The following MCTP1 variants were observed in gnomAD, a reference collection of about 807,000 sequenced individuals.
The protein encoded by MCTP1 is multiple C2 and transmembrane domain containing 1, also known as multiple C2 and transmembrane domain-containing protein 1.
A neutral mutation model predicts 120.6 loss-of-function variants in MCTP1; 69 were observed. The observed-to-expected ratio is 0.57, with a 90% CI of 0.47 to 0.70. The LOEUF (loss-of-function observed/expected upper bound fraction) is 0.70. Among genes scored for constraint, MCTP1 ranks in the 30% least tolerant of loss-of-function variants. The probability of loss-of-function intolerance (pLI) is 0.00; values close to 1 mark genes in which losing one functional copy is unlikely to be tolerated. For synonymous variants in MCTP1, 529 were observed against 493.1 expected (o/e 1.07, Z -0.96); for missense variants, 1,203 against 1,248.8 (o/e 0.96, Z 0.55).
chr5:95,236,678 C>T (rs1170916732), intron 1 of MCTP1, among the ~76,000 whole-genome samples: 3 of 152,156 alleles, frequency 2.0e-5, no homozygotes, highest in Non-Finnish European at 4.4e-5. Context: ...GAACATCCCA[C>T]AAATAGTAGA....
intron 2 of MCTP1, among the ~76,000 whole-genome samples, chr5:94,984,524 C>G (rs2033709): frequency 2.0e-5 from 3 of 151,946 alleles, no homozygotes; most frequent in African/African-American, 7.3e-5. Flanking sequence ...GAGTCTTGAA[C>G]GCCAGACTGA....
intron 14 of MCTP1, 76 bp downstream of exon 14, chr5:94,871,239 A>T (rs538268837): frequency 1.1e-6 from 1 of 937,530 alleles, no homozygotes; most frequent in Admixed American, 2.0e-5. Context: ...CACAGAGCTG[A>T]GAGTTTTCTT....
chr5:95,015,514 A>C (rs1359179470), intron 2 of MCTP1, among the ~76,000 whole-genome samples: 2 of 152,000 alleles, frequency 1.3e-5, no homozygotes, highest in Non-Finnish European at 2.9e-5. Flanking sequence ...TACATTCTGT[A>C]TGTTACCGAT....
intron 1 of MCTP1, among the ~76,000 whole-genome samples, chr5:95,017,970 A>C (rs1837444134): frequency 1.3e-5 from 2 of 152,102 alleles, no homozygotes; most frequent in African/African-American, 4.8e-5. Context: ...CTTCAGCCCC[A>C]ACATAAAATT....
At chr5:94,889,367 T>A (rs1190486160) in intron 11 of MCTP1, among the ~76,000 whole-genome samples, 2 of 152,010 alleles carry the variant, frequency 1.3e-5, no homozygotes, top group Non-Finnish European at 2.9e-5. Flanking sequence ...GGTGGGTGGA[T>A]CACAAGGTCA....
rs143415105 is a variant in MCTP1 at position 95,176,548 on chromosome 5, T to C, written c.720+107308A>G. On this transcript the variant is annotated intron_variant, in intron 1 of 22. Transcript: ENST00000515393. ...TTAAACAACAACAAAAACAGCAGTATTGATATAAAGTCTTTTTCTCCAATA... is the reference window on the plus strand; with the variant it reads ...TTAAACAACAACAAAAACAGCAGTACTGATATAAAGTCTTTTTCTCCAATA... Among the ~76,000 whole-genome samples the C allele has an allele frequency of 3.7e-4, 57 of 152,196 alleles. 1 individual carries two copies. In the East Asian group the frequency reaches 8.7e-3, roughly 23 times the overall value.
chr5:95,051,750 C>T (rs1479753546), intron 1 of MCTP1, among the ~76,000 whole-genome samples: 1 of 152,066 alleles, frequency 6.6e-6, no homozygotes, highest in African/African-American at 2.4e-5. Flanking sequence ...ATAGATGGAG[C>T]TGGAGGCCAT....
At chr5:94,762,243 C>A (rs1771532968) in intron 19 of MCTP1, among the ~76,000 whole-genome samples, 1 of 152,156 alleles carries the variant, frequency 6.6e-6, no homozygotes, top group African/African-American at 2.4e-5. Context: ...TGACTTATGC[C>A]TCAGAGGTTT....
At chr5:94,853,029 G>A (rs293032) in intron 17 of MCTP1, among the ~76,000 whole-genome samples, 29,584 of 151,932 alleles carry the variant, frequency 0.19, 3,732 homozygotes, top group Non-Finnish European at 0.29. Context: ...GAAAGCTGCA[G>A]TAATGTAAAA....
chr5:94,780,507 A>C (rs1005538239), intron 18 of MCTP1, among the ~76,000 whole-genome samples: 2 of 152,168 alleles, frequency 1.3e-5, no homozygotes, highest in African/African-American at 4.8e-5. Flanking sequence ...GACTGTCTTA[A>C]TTTAATGTCA....
intron 1 of MCTP1, chr5:95,068,826 G>T (rs573928636): frequency 3.9e-6 from 5 of 1,270,264 alleles, no homozygotes; most frequent in Admixed American, 2.5e-5. Context: ...TTACCATACA[G>T]GGTCTGCCAA....
chr5:94,796,818 A>G (rs1210083429), intron 18 of MCTP1, among the ~76,000 whole-genome samples: 1 of 151,904 alleles, frequency 6.6e-6, no homozygotes. Flanking sequence ...GTGAATAAGA[A>G]GCTGAATGAA....
intron 2 of MCTP1, among the ~76,000 whole-genome samples, chr5:94,958,488 T>C (rs771705898): frequency 1.6e-4 from 24 of 152,186 alleles, no homozygotes; most frequent in South Asian, 8.3e-4. Flanking sequence ...GACCTGGTTT[T>C]TGAAAAGATT....
intron 12 of MCTP1, among the ~76,000 whole-genome samples, chr5:94,880,984 T>C (rs1799935063): frequency 6.6e-6 from 1 of 152,132 alleles, no homozygotes; most frequent in South Asian, 2.1e-4. Flanking sequence ...CTGGACACTG[T>C]GGATGGCTTG....
intron 19 of MCTP1, among the ~76,000 whole-genome samples, chr5:94,733,628 AC>A (rs1763555681): frequency 6.6e-6 from 1 of 151,282 alleles, no homozygotes; most frequent in Non-Finnish European, 1.5e-5. Context: ...GTCTGTAGTC[AC>A]CAACTTGGAA....
intron 3 of MCTP1, among the ~76,000 whole-genome samples, chr5:94,951,894 G>A (rs549007794): frequency 3.3e-5 from 5 of 151,974 alleles, no homozygotes; most frequent in Middle Eastern, 6.8e-3. Context: ...ATTTAAGGCC[G>A]GGCACGGTGG....
At chr5:95,244,213 G>A (rs1022839979) in intron 1 of MCTP1, among the ~76,000 whole-genome samples, 2 of 152,218 alleles carry the variant, frequency 1.3e-5, no homozygotes, top group African/African-American at 4.8e-5. Flanking sequence ...TGAACAAACT[G>A]AAGTATAAAT....
rs554845617 is a variant in MCTP1, at chr5:94,914,731, T to C, written c.1351-1755A>G. ...AAGTTCTGCAGAACTCCATGCCCAC[T>C]TCAGCTGGAGCCCCTCTGCTCCTGT... On this transcript the variant is annotated intron_variant, in intron 8 of 22. Transcript: ENST00000515393. 1.1e-4 allele frequency among the ~76,000 whole-genome samples: 17 copies of C among 152,330 alleles called. No homozygotes were observed. In the East Asian group the frequency reaches 2.5e-3, roughly 23 times the overall value.
intron 1 of MCTP1, among the ~76,000 whole-genome samples, chr5:95,069,601 C>T (rs1015227424): frequency 2.6e-5 from 4 of 152,098 alleles, no homozygotes; most frequent in East Asian, 1.9e-4. Context: ...CGAAGGCACC[C>T]GTTCTCAGAG....
Sources: allele counts gnomAD v4.1 joint callset (sites outside exome capture counted in the v4.1 genomes callset), GRCh38; gene constraint gnomAD v4.1.1; transcripts MANE v1.5; gene names NCBI Gene and HGNC (gene_info 2026-07-23, HGNC 2026-07-21).